Variants in PHLDB2 observed in about 807,000 individuals in gnomAD.
PHLDB2 encodes pleckstrin homology like domain family B member 2, also known as pleckstrin homology-like domain family B member 2.
Under a neutral mutation model 123.6 loss-of-function variants are expected in PHLDB2, and 71 were observed. The observed-to-expected ratio is 0.57, with a 90% CI of 0.47 to 0.70. PHLDB2 has a LOEUF of 0.70. Ranked by LOEUF, PHLDB2 falls within the 30% of genes least tolerant of loss-of-function variation. The pLI, the probability that PHLDB2 is intolerant of heterozygous loss-of-function variation, is 0.00. For missense variants in PHLDB2, 1,446 were observed against 1,519.5 expected (o/e 0.95, Z 0.80); for synonymous variants, 547 against 541.6 (o/e 1.01, Z -0.14).
chr3:111,938,999 G>T (rs549713776), intron 6 of PHLDB2, among the ~76,000 whole-genome samples: 12 of 152,006 alleles, frequency 7.9e-5, no homozygotes, highest in African/African-American at 2.9e-4. Context: ...GTAGAGACGG[G>T]GTTTCACCAT....
chr3:111,943,659 T>G (rs900948771), intron 8 of PHLDB2, among the ~76,000 whole-genome samples: 1 of 152,178 alleles, frequency 6.6e-6, no homozygotes, highest in African/African-American at 2.4e-5. Context: ...TCATCATTAG[T>G]CATCAAGGCA....
At chr3:111,782,575 A>G (rs1028170799) in intron 1 of PHLDB2, among the ~76,000 whole-genome samples, 5 of 152,060 alleles carry the variant, frequency 3.3e-5, no homozygotes, top group African/African-American at 1.2e-4. Context: ...TTTTGGTTTC[A>G]GTTTAAACAT....
intron 1 of PHLDB2, among the ~76,000 whole-genome samples, chr3:111,862,972 A>C (rs1388536744): frequency 6.6e-6 from 1 of 152,198 alleles, no homozygotes; most frequent in African/African-American, 2.4e-5. Flanking sequence ...AGGAGTTAAA[A>C]ATTTTAAAAT....
chr3:111,859,416 G>A lies in PHLDB2; in HGVS notation c.-175G>A, dbSNP rs975578669. 32 of 985,632 alleles carry A rather than the reference G, an allele frequency of 3.2e-5. No homozygotes were observed. The African/African-American group carries it at 5.1e-4, about 16-fold the overall frequency. The allele number at this position is 985,632 out of a possible 1,614,324, so 61.1% of individuals were successfully genotyped here. A position where few individuals can be genotyped will look rare whatever the true frequency, so the allele number is the denominator to read the frequency against. ...CGTTGCTCGAACTCCCTGGGTGCCC[G>A]CCGCGGTGGTTACAAAGGGGGTCAA... On this transcript the variant is annotated 5_prime_UTR_variant, in exon 1 of 18. Transcript: ENST00000431670.
At chr3:111,779,090 G>A (rs138840368) in intron 1 of PHLDB2, among the ~76,000 whole-genome samples, 1 of 151,926 alleles carries the variant, frequency 6.6e-6, no homozygotes, top group Non-Finnish European at 1.5e-5. Context: ...TTTCTGACTC[G>A]GTAGGTCTGG....
chr3:111,816,144 G>C (rs1247920620), intron 1 of PHLDB2, among the ~76,000 whole-genome samples: 1 of 152,216 alleles, frequency 6.6e-6, no homozygotes, highest in Admixed American at 6.5e-5. Flanking sequence ...TTGCTGCCAG[G>C]GTGGGGCCCT....
At chr3:111,948,347 T>C (rs559408062) in intron 9 of PHLDB2, among the ~76,000 whole-genome samples, 2 of 152,332 alleles carry the variant, frequency 1.3e-5, no homozygotes, top group East Asian at 3.9e-4. Flanking sequence ...GTGTTATTTT[T>C]ATTCTCATTT....
chr3:111,965,983 T>C (rs2107676223), intron 13 of PHLDB2, among the ~76,000 whole-genome samples: 1 of 152,306 alleles, frequency 6.6e-6, no homozygotes, highest in Non-Finnish European at 1.5e-5. Flanking sequence ...GTTTTCTCAT[T>C]GGTATCATGA....
intron 2 of PHLDB2, among the ~76,000 whole-genome samples, chr3:111,851,932 C>T (rs1020784431): frequency 2.0e-5 from 3 of 151,716 alleles, no homozygotes; most frequent in African/African-American, 4.8e-5. Context: ...CATGGTCTTT[C>T]CTCTGCCTAG....
intron 1 of PHLDB2, among the ~76,000 whole-genome samples, chr3:111,765,651 G>A (rs1237812132): frequency 6.6e-6 from 1 of 152,180 alleles, no homozygotes; most frequent in Non-Finnish European, 1.5e-5. Context: ...AAATAAAATG[G>A]TGATGTAAAC....
intron 2 of PHLDB2, among the ~76,000 whole-genome samples, chr3:111,887,952 C>T (rs1030920530): frequency 6.6e-6 from 1 of 152,038 alleles, no homozygotes; most frequent in Non-Finnish European, 1.5e-5. Flanking sequence ...GACAAGCTCA[C>T]AGAGAAAGTA....
intron 1 of PHLDB2, among the ~76,000 whole-genome samples, chr3:111,759,702 A>T (rs919367499): frequency 6.6e-6 from 1 of 152,206 alleles, no homozygotes; most frequent in Non-Finnish European, 1.5e-5. Flanking sequence ...ATGCAACCCT[A>T]TAAGGTGGAA....
intron 1 of PHLDB2, among the ~76,000 whole-genome samples, chr3:111,759,937 T>C (rs2059965578): frequency 1.3e-5 from 2 of 152,354 alleles, no homozygotes; most frequent in South Asian, 2.1e-4. Flanking sequence ...GACAAGAGGC[T>C]TTAAGGGCAG....
intron 12 of PHLDB2, chr3:111,957,276 T>C (rs1246786400): frequency 3.3e-5 from 5 of 152,684 alleles, no homozygotes; most frequent in Non-Finnish European, 2.9e-5. Context: ...TGTGTGGTGT[T>C]TTTGTTTCCA....
intron 13 of PHLDB2, among the ~76,000 whole-genome samples, chr3:111,964,726 A>G (rs1190337255): frequency 6.6e-6 from 1 of 152,166 alleles, no homozygotes; most frequent in Admixed American, 6.5e-5. Context: ...TAATTTGTCA[A>G]GTATATGTAT....
chr3:111,783,683 A>G (rs2060570748), intron 1 of PHLDB2, among the ~76,000 whole-genome samples: 1 of 152,144 alleles, frequency 6.6e-6, no homozygotes, highest in African/African-American at 2.4e-5. Context: ...TTGACCTTCT[A>G]ATTTAGAGAT....
chr3:111,880,802 A>C (rs2065895539), intron 1 of PHLDB2, among the ~76,000 whole-genome samples: 1 of 152,198 alleles, frequency 6.6e-6, no homozygotes, highest in Non-Finnish European at 1.5e-5. Context: ...CTGTTCAGGC[A>C]GACATCCTTT....
At chr3:111,748,555 C>T (rs1208701857) in intron 1 of PHLDB2, among the ~76,000 whole-genome samples, 1 of 151,986 alleles carries the variant, frequency 6.6e-6, no homozygotes, top group Non-Finnish European at 1.5e-5. Context: ...TCTTGAGACA[C>T]TTGTTGCCCA....
chr3:111,960,563 A>G (rs2071340218), intron 12 of PHLDB2, among the ~76,000 whole-genome samples: 1 of 152,236 alleles, frequency 6.6e-6, no homozygotes, highest in South Asian at 2.1e-4. Flanking sequence ...TTAAGGCATC[A>G]TGGATGTGGC....
Sources: allele counts gnomAD v4.1 joint callset (sites outside exome capture counted in the v4.1 genomes callset), GRCh38; gene constraint gnomAD v4.1.1; transcripts MANE v1.5; gene names NCBI Gene and HGNC (gene_info 2026-07-23, HGNC 2026-07-21).